Variants in CA10 observed in about 807,000 individuals in gnomAD.
CA10 encodes the protein carbonic anhydrase 10 (inactive), also known as carbonic anhydrase-related protein 10.
CA10 carries 14 observed loss-of-function variants against 44.2 expected under a neutral mutation model. The ratio of observed to expected loss-of-function variants is 0.32; its 90% CI spans 0.21 to 0.50. The LOEUF (loss-of-function observed/expected upper bound fraction) is 0.50. Ranked by LOEUF, CA10 falls within the 20% of genes least tolerant of loss-of-function variation. CA10 has a pLI of 0.99. For synonymous variants in CA10, 159 were observed against 141.6 expected, an observed-to-expected ratio of 1.12 and a Z score of -0.87; for missense variants, 350 against 409.7, an observed-to-expected ratio of 0.85 and a Z score of 1.26.
intron 2 of CA10, among the ~76,000 whole-genome samples, chr17:52,016,714 A>T (rs1033415517): frequency 6.6e-6 from 1 of 152,086 alleles, no homozygotes; most frequent in Non-Finnish European, 1.5e-5. Flanking sequence ...GAGGTTCAAG[A>T]CTAGCCTGGC....
intron 2 of CA10, among the ~76,000 whole-genome samples, chr17:51,954,280 TTAAAC>T (rs1218263759): frequency 1.3e-5 from 2 of 152,154 alleles, no homozygotes; most frequent in African/African-American, 4.8e-5. Context: ...TTGAGGAAAA[TTAAAC>T]TAAACATTAA....
chr17:51,856,032 C>T (rs1328020415), intron 3 of CA10, among the ~76,000 whole-genome samples: 2 of 152,168 alleles, frequency 1.3e-5, no homozygotes, highest in East Asian at 3.9e-4. Flanking sequence ...TCTGAGCAGG[C>T]ATGCACCTGT....
chr17:51,882,559 A>G (rs1318934069), intron 3 of CA10, among the ~76,000 whole-genome samples: 2 of 152,204 alleles, frequency 1.3e-5, no homozygotes, highest in African/African-American at 4.8e-5. Context: ...GACCTGGCAT[A>G]GTCAAGTCTA....
At chr17:52,030,052 A>C (rs1232424745) in intron 2 of CA10, among the ~76,000 whole-genome samples, 1 of 152,220 alleles carries the variant, frequency 6.6e-6, no homozygotes, top group African/African-American at 2.4e-5. Flanking sequence ...TTTGCTCTTC[A>C]TACCCTAAAA....
At chr17:51,651,762 A>G (rs1326800007) in intron 5 of CA10, among the ~76,000 whole-genome samples, 3 of 152,192 alleles carry the variant, frequency 2.0e-5, no homozygotes, top group Non-Finnish European at 2.9e-5. Flanking sequence ...AAGTTTTCAG[A>G]CACATGAGGT....
chr17:52,016,552 G>A (rs1985974286), intron 2 of CA10, among the ~76,000 whole-genome samples: 1 of 152,080 alleles, frequency 6.6e-6, no homozygotes, highest in Admixed American at 6.6e-5. Context: ...CCTCATAAAT[G>A]TCTTGGTACT....
At chr17:51,849,163 GTATA>G (rs199891093) in intron 3 of CA10, among the ~76,000 whole-genome samples, 6 of 90,264 alleles carry the variant, frequency 6.6e-5, no homozygotes, top group African/African-American at 1.9e-4. Context: ...ATACATATAT[GTATA>G]TATATATACA....
At chr17:51,852,326 A>G (rs986669651) in intron 3 of CA10, among the ~76,000 whole-genome samples, 8 of 152,208 alleles carry the variant, frequency 5.3e-5, no homozygotes, top group African/African-American at 1.4e-4. Flanking sequence ...CACTATAATG[A>G]TAAGTGGAGG....
At chr17:51,933,916 A>T (rs1982761238) in intron 2 of CA10, among the ~76,000 whole-genome samples, 1 of 152,090 alleles carries the variant, frequency 6.6e-6, no homozygotes, top group Non-Finnish European at 1.5e-5. Flanking sequence ...CCCCGCAAAA[A>T]CACAAACAGG....
intron 3 of CA10, among the ~76,000 whole-genome samples, chr17:51,756,601 C>G (rs1022870200): frequency 5.3e-5 from 8 of 151,406 alleles, no homozygotes; most frequent in African/African-American, 1.2e-4. Flanking sequence ...TCCGGAGTAG[C>G]TGGGACTACA....
chr17:51,649,021 G>A (rs1451763739), intron 6 of CA10, among the ~76,000 whole-genome samples, 161 bp downstream of exon 6: 1 of 151,958 alleles, frequency 6.6e-6, no homozygotes, highest in Non-Finnish European at 1.5e-5. Context: ...GAAATGAGCT[G>A]CTTCTTAGCC....
chr17:51,849,129 A>G (rs1360244054), intron 3 of CA10, among the ~76,000 whole-genome samples: 1 of 144,616 alleles, frequency 6.9e-6, no homozygotes, highest in Non-Finnish European at 1.5e-5. Flanking sequence ...ATATATAAAT[A>G]TAAAAACTTA....
At chr17:51,649,891 A>C (rs981462647) in intron 5 of CA10, among the ~76,000 whole-genome samples, 14 of 151,476 alleles carry the variant, frequency 9.2e-5, no homozygotes, top group African/African-American at 3.1e-4. Flanking sequence ...AAAAAAAAAA[A>C]CTGAAAAGTA....
chr17:51,805,751 AC>A (rs1395493272), intron 3 of CA10, among the ~76,000 whole-genome samples: 1 of 152,100 alleles, frequency 6.6e-6, no homozygotes, highest in East Asian at 1.9e-4. Context: ...GCTTCCTCCC[AC>A]CCATTTACAG....
chr17:52,127,276 G>A (rs1598228708), intron 1 of CA10, among the ~76,000 whole-genome samples: 1 of 152,146 alleles, frequency 6.6e-6, no homozygotes, highest in Non-Finnish European at 1.5e-5. Context: ...TGGGGACATC[G>A]AGTTCTAGCA....
intron 3 of CA10, among the ~76,000 whole-genome samples, chr17:51,920,096 GC>G (rs1982169074): frequency 6.6e-6 from 1 of 152,124 alleles, no homozygotes; most frequent in Non-Finnish European, 1.5e-5. Flanking sequence ...AACATCTCAA[GC>G]TAGTCCTTCT....
intron 3 of CA10, among the ~76,000 whole-genome samples, chr17:51,896,511 G>C (rs1038802851): frequency 1.3e-5 from 2 of 152,060 alleles, no homozygotes; most frequent in African/African-American, 4.8e-5. Flanking sequence ...TTGATTCCAT[G>C]TCTTTGCTAT....
intron 3 of CA10, among the ~76,000 whole-genome samples, chr17:51,879,664 T>C (rs1454305383): frequency 6.6e-6 from 1 of 152,132 alleles, no homozygotes; most frequent in African/African-American, 2.4e-5. Context: ...GAGAACAGAG[T>C]GTCCCAAAGC....
chr17:52,031,155 C>CT (rs71149390), intron 2 of CA10, among the ~76,000 whole-genome samples: 46,136 of 143,148 alleles, frequency 0.32, 9,043 homozygotes, highest in East Asian at 0.74. Flanking sequence ...GACTTCAACT[C>CT]TTTTTTTTTT....
Sources: gnomAD v4.1 joint callset for allele counts (sites outside exome capture counted in the v4.1 genomes callset) on GRCh38, gnomAD v4.1.1 for gene constraint, MANE v1.5 for transcripts, NCBI Gene and HGNC (gene_info 2026-07-23, HGNC 2026-07-21) for gene names.